The following DYM variants were observed in gnomAD, a reference collection of about 807,000 sequenced individuals.
DYM encodes the protein dyggve-Melchior-Clausen syndrome protein.
In DYM, 78 loss-of-function variants were observed where a neutral mutation model predicts 93.1. The ratio of observed to expected loss-of-function variants is 0.84; its 90% confidence interval spans 0.70 to 1.01. The LOEUF is 1.01. Ranked by LOEUF, DYM falls within the 50% of genes least tolerant of loss-of-function variation. The probability of loss-of-function intolerance (pLI) is 0.00; values close to 1 mark genes in which losing one functional copy is unlikely to be tolerated. For missense variants in DYM, 789 were observed against 845.0 expected, an observed-to-expected ratio of 0.93 and a Z score of 0.82; for synonymous variants, 321 against 319.7, an observed-to-expected ratio of 1.00 and a Z score of -0.04.
intron 13 of DYM, among the ~76,000 whole-genome samples, chr18:49,219,500 A>G (rs1162074148): frequency 6.6e-6 from 1 of 152,076 alleles, no homozygotes; most frequent in Non-Finnish European, 1.5e-5. Flanking sequence ...TGATGCAAAA[A>G]TCCTCAATAA....
At chr18:49,110,641 T>G (rs2081304605) in intron 16 of DYM, among the ~76,000 whole-genome samples, 1 of 152,180 alleles carries the variant, frequency 6.6e-6, no homozygotes, top group African/African-American at 2.4e-5. Context: ...TGTTTTTTCT[T>G]TTATCTTTGA....
chr18:49,174,024 T>A (rs1009553349), intron 14 of DYM, among the ~76,000 whole-genome samples: 1 of 152,158 alleles, frequency 6.6e-6, no homozygotes, highest in African/African-American at 2.4e-5. Context: ...ATTCCCTCTA[T>A]TCCTTGTTAT....
intron 13 of DYM, among the ~76,000 whole-genome samples, chr18:49,217,873 C>G (rs2093152638): frequency 6.6e-6 from 1 of 152,216 alleles, no homozygotes; most frequent in African/African-American, 2.4e-5. Context: ...CAGCTAACAT[C>G]ATAACCACAG....
In DYM at chr18:49,417,439, C is replaced by T. The variant is rs62102878; in HGVS notation, c.140+12816G>A. The stretch of plus-strand genomic sequence containing the variant: ...TGCTGGGAATACAGGGATGAACCAC[C>T]GTTCCCAGCTTGTATAAGGCTATTC... On this transcript the variant is annotated intron_variant, in intron 2 of 17. Coordinates refer to ENST00000675505, the MANE Select transcript of DYM (RefSeq NM_001353214.3). Among the ~76,000 whole-genome samples, 1,144 of 152,210 alleles carry T rather than the reference C, an allele frequency of 7.5e-3. 9 individuals are homozygous for T. Among genetic ancestry groups the T allele is most frequent in the Admixed American group, 0.015 (222 of 15,266 alleles).
intron 1 of DYM, among the ~76,000 whole-genome samples, chr18:49,450,008 A>G (rs2082389193): frequency 6.6e-6 from 1 of 152,228 alleles, no homozygotes; most frequent in Non-Finnish European, 1.5e-5. Context: ...AAACAGTGAA[A>G]TGTGTTTTTT....
intron 2 of DYM, among the ~76,000 whole-genome samples, chr18:49,405,961 C>G (rs2071446839): frequency 6.6e-6 from 1 of 151,992 alleles, no homozygotes; most frequent in African/African-American, 2.4e-5. Context: ...AAATGTATTC[C>G]TAGGTATTTT....
chr18:49,282,166 G>C lies in DYM; in HGVS notation c.956C>G (p.Pro319Arg). 1.2e-6 allele frequency: 2 copies of C among 1,613,666 alleles called. No individual in the cohort carries two copies. Among genetic ancestry groups the C allele is most frequent in the Non-Finnish European group, 1.7e-6 (2 of 1,179,772 alleles). Reference protein sequence around the residue: ...MSFKNTQDSSPFPSSIPHAFQ... With the variant: ...MSFKNTQDSSRFPSSIPHAFQ... ...GGCATGTGGAATTGATGAGGGGAAAGGACTGCTATCTGGAATACAGAAAAC... is the reference window on the plus strand; with the variant it reads ...GGCATGTGGAATTGATGAGGGGAAACGACTGCTATCTGGAATACAGAAAAC... The change falls in exon 10 of 18, where the codon CCT (proline) becomes CGT (arginine). Residue 319 changes from proline to arginine, a missense_variant. Coordinates refer to ENST00000675505, the MANE Select transcript of DYM (RefSeq NM_001353214.3).
intron 11 of DYM, among the ~76,000 whole-genome samples, chr18:49,258,992 AC>A (rs1228459011): frequency 7.3e-5 from 11 of 150,876 alleles, no homozygotes; most frequent in African/African-American, 2.7e-4. Context: ...AAAAAAAAAA[AC>A]AAACCAACAG....
chr18:49,183,317 T>C (rs2090106495), intron 14 of DYM, among the ~76,000 whole-genome samples: 1 of 152,222 alleles, frequency 6.6e-6, no homozygotes. Context: ...AGGTACTTGC[T>C]ACTTTTCCAG....
chr18:49,047,220 C>A (rs2071709443), intron 17 of DYM, among the ~76,000 whole-genome samples: 1 of 152,214 alleles, frequency 6.6e-6, no homozygotes, highest in Non-Finnish European at 1.5e-5. Flanking sequence ...TCTCCCCACA[C>A]CCTGCACCCC....
At chr18:49,199,152 C>A (rs1308767667) in intron 14 of DYM, among the ~76,000 whole-genome samples, 1 of 152,172 alleles carries the variant, frequency 6.6e-6, no homozygotes, top group African/African-American at 2.4e-5. Context: ...ACCACATGTT[C>A]TCACTCATAG....
At chr18:49,186,579 T>A (rs1009642600) in intron 14 of DYM, among the ~76,000 whole-genome samples, 2 of 152,184 alleles carry the variant, frequency 1.3e-5, no homozygotes, top group African/African-American at 4.8e-5. Flanking sequence ...CCTAAGATCA[T>A]CCATCCACCC....
intron 15 of DYM, among the ~76,000 whole-genome samples, chr18:49,149,950 G>C (rs769508092): frequency 2.6e-5 from 4 of 152,002 alleles, no homozygotes; most frequent in Non-Finnish European, 4.4e-5. Context: ...TTCGTGATCT[G>C]CCTGCCTTGG....
chr18:49,215,449 T>C (rs1204251929), intron 13 of DYM, among the ~76,000 whole-genome samples: 3 of 152,244 alleles, frequency 2.0e-5, no homozygotes, highest in Admixed American at 2.0e-4. Flanking sequence ...AGTTTTATTA[T>C]AGTTTTGAAA....
intron 8 of DYM, among the ~76,000 whole-genome samples, chr18:49,303,661 T>C (rs958330323): frequency 1.3e-5 from 2 of 152,176 alleles, no homozygotes; most frequent in African/African-American, 2.4e-5. Flanking sequence ...CACATGACAG[T>C]GCTTCCCACA....
At chr18:49,092,708 T>C (rs1053138628) in intron 17 of DYM, among the ~76,000 whole-genome samples, 2 of 152,082 alleles carry the variant, frequency 1.3e-5, no homozygotes, top group African/African-American at 2.4e-5. Context: ...ATGATGATGA[T>C]GCAAATTAAT....
intron 2 of DYM, among the ~76,000 whole-genome samples, chr18:49,404,036 CTCTT>C (rs1442947645): frequency 6.6e-6 from 1 of 151,248 alleles, no homozygotes; most frequent in Admixed American, 6.6e-5. Context: ...GAGATGGAGT[CTCTT>C]TCTGTCACCC....
chr18:49,348,195 C>T (rs1014793419), intron 6 of DYM, among the ~76,000 whole-genome samples: 6 of 152,150 alleles, frequency 3.9e-5, no homozygotes, highest in African/African-American at 1.4e-4. Flanking sequence ...GGATAAGAAA[C>T]CTGATGGTAC....
intron 13 of DYM, among the ~76,000 whole-genome samples, chr18:49,238,671 A>G (rs1200079542): frequency 2.0e-5 from 3 of 152,086 alleles, no homozygotes; most frequent in Non-Finnish European, 2.9e-5. Context: ...AGCTTTAGCT[A>G]AAGCATCTCC....
Sources: allele counts gnomAD v4.1 joint callset (sites outside exome capture counted in the v4.1 genomes callset), GRCh38; gene constraint gnomAD v4.1.1; transcripts MANE v1.5; gene names NCBI Gene and HGNC (gene_info 2026-07-23, HGNC 2026-07-21).